The following PRUNE1 variants were observed in gnomAD, a reference collection of about 807,000 sequenced individuals.
PRUNE1 encodes the protein prune exopolyphosphatase 1.
PRUNE1 carries 25 observed loss-of-function variants against 42.5 expected under a neutral mutation model. The observed-to-expected ratio is 0.59, with a 90% CI of 0.43 to 0.82. PRUNE1 has a LOEUF of 0.82. Among genes scored for constraint, PRUNE1 ranks in the 40% least tolerant of loss-of-function variants. The pLI, the probability that PRUNE1 is intolerant of heterozygous loss-of-function variation, is 0.00. For synonymous variants in PRUNE1, 203 were observed against 217.1 expected, an observed-to-expected ratio of 0.93 and a Z score of 0.57; for missense variants, 443 against 539.3, an observed-to-expected ratio of 0.82 and a Z score of 1.77.
At chr1:151,023,237 C>T (rs1674586127) in intron 3 of PRUNE1, among the ~76,000 whole-genome samples, 1 of 152,060 alleles carries the variant, frequency 6.6e-6, no homozygotes, top group Non-Finnish European at 1.5e-5. Context: ...AAGGACAGCC[C>T]AGGAGGGCTC....
chr1:151,028,064 C>T (rs1674991969), intron 6 of PRUNE1, among the ~76,000 whole-genome samples: 1 of 152,094 alleles, frequency 6.6e-6, no homozygotes, highest in Non-Finnish European at 1.5e-5. Context: ...TTTTCTGTTC[C>T]TCAGAACCAT....
chr1:151,027,777 TGTGTGC>T (rs1269268991), intron 6 of PRUNE1, among the ~76,000 whole-genome samples: 27 of 148,928 alleles, frequency 1.8e-4, no homozygotes, highest in South Asian at 2.1e-4. Flanking sequence ...TGTGTGTGTG[TGTGTGC>T]GCGCGCGTGT....
intron 1 of PRUNE1, among the ~76,000 whole-genome samples, chr1:151,016,588 G>A (rs1228123695): frequency 6.6e-6 from 1 of 151,926 alleles, no homozygotes; most frequent in Non-Finnish European, 1.5e-5. Flanking sequence ...TGCAACCTCC[G>A]TCTGCCGGGT....
Position 151,034,396 on chromosome 1 carries a change from C to T in PRUNE1, c.*162C>T, listed in dbSNP as rs1675436164. On this transcript the variant is annotated 3_prime_UTR_variant, in exon 8 of 8. Transcript: ENST00000271620. ...GAAAAAAAGTGAAAGAAAGCAGCTG[C>T]TTTAAGAATGGTTTTCCACCTTTTC... 2.8e-6 allele frequency: 2 copies of T among 727,020 alleles called. No individual in the cohort carries two copies. The highest frequency in any genetic ancestry group is 2.7e-5 in the East Asian group (1 of 36,572). The allele number at this position is 727,020 out of a possible 1,614,324, so 45.0% of individuals were successfully genotyped here.
intron 1 of PRUNE1, among the ~76,000 whole-genome samples, chr1:151,015,582 C>T (rs1376331260): frequency 4.7e-5 from 7 of 147,464 alleles, no homozygotes; most frequent in South Asian, 4.3e-4. Flanking sequence ...TACAGTGAGC[C>T]GAGATCACAC....
chr1:151,027,689 C>T (rs1674943346), intron 6 of PRUNE1, among the ~76,000 whole-genome samples: 1 of 151,226 alleles, frequency 6.6e-6, no homozygotes, highest in East Asian at 1.9e-4. Context: ...TCAAGCAATC[C>T]TCCCACCTTA....
intron 6 of PRUNE1, 150 bp from the exon 7 acceptor site, chr1:151,028,636 C>T: frequency 2.8e-6 from 2 of 710,558 alleles, no homozygotes; most frequent in Non-Finnish European, 4.6e-6. Context: ...GTTGGCTAGG[C>T]TGGTCTCGAA....
intron 7 of PRUNE1, among the ~76,000 whole-genome samples, chr1:151,031,571 T>C (rs897921102): frequency 1.3e-5 from 2 of 152,180 alleles, no homozygotes; most frequent in African/African-American, 4.8e-5. Flanking sequence ...TTTAGAACAC[T>C]GGCTTTGGTG....
At chr1:151,032,625 A>T (rs587682727) in intron 7 of PRUNE1, among the ~76,000 whole-genome samples, 2 of 150,514 alleles carry the variant, frequency 1.3e-5, no homozygotes, top group Non-Finnish European at 3.0e-5. Flanking sequence ...GAGGCAGGAG[A>T]TTCACTTGAA....
intron 3 of PRUNE1, among the ~76,000 whole-genome samples, chr1:151,024,313 C>T (rs979338630): frequency 1.3e-5 from 2 of 151,652 alleles, no homozygotes; most frequent in African/African-American, 2.4e-5. Context: ...GCCAACATGG[C>T]GAAACCCCAT....
chr1:151,016,362 T>C (rs1674103259), intron 1 of PRUNE1, among the ~76,000 whole-genome samples: 1 of 152,158 alleles, frequency 6.6e-6, no homozygotes, highest in South Asian at 2.1e-4. Context: ...ACCTGCCTCA[T>C]TGGGTTAAAG....
At chr1:151,023,069 CAG>C (rs1201723060) in intron 3 of PRUNE1, among the ~76,000 whole-genome samples, 4 of 152,294 alleles carry the variant, frequency 2.6e-5, no homozygotes, top group South Asian at 4.1e-4. Flanking sequence ...AAAGATGAGA[CAG>C]AGGGGGCAGG....
Position 151,025,626 on chromosome 1 carries a change from G to T in PRUNE1, c.632G>T (p.Arg211Ile). The change falls in exon 5 of 8, where the codon AGA (arginine) becomes ATA (isoleucine). Residue 211 changes from arginine (R) to isoleucine (I), a missense_variant. Physicochemically the swap from Arg to Ile is moderately conservative, Grantham distance 97. Transcript: ENST00000271620. The stretch of plus-strand genomic sequence containing the variant: ...GCCCTTTTCCCAGACCTACCCAAGA[G>T]AAATGATATATTTGATTCCCTACAA... ...LEALFPDLPK[R>I]NDIFDSLQKA... 1 of 1,613,932 alleles carries T rather than the reference G, an allele frequency of 6.2e-7. No individual in the cohort carries two copies. The highest frequency in any genetic ancestry group is 8.5e-7 in the Non-Finnish European group (1 of 1,179,888).
At chr1:151,017,214 CT>C (rs1411129644) in intron 1 of PRUNE1, among the ~76,000 whole-genome samples, 2 of 152,064 alleles carry the variant, frequency 1.3e-5, no homozygotes, top group African/African-American at 4.8e-5. Context: ...CCCAAATTCC[CT>C]TTTTTGACTG....
chr1:151,030,745 C>T (rs1422646926), intron 7 of PRUNE1, among the ~76,000 whole-genome samples: 2 of 152,194 alleles, frequency 1.3e-5, no homozygotes, highest in South Asian at 2.1e-4. Context: ...CTTGGCCTTC[C>T]GAAGTGCTGG....
chr1:151,010,060 C>G (rs1673664169), intron 1 of PRUNE1, among the ~76,000 whole-genome samples: 1 of 152,098 alleles, frequency 6.6e-6, no homozygotes, highest in South Asian at 2.1e-4. Context: ...CCAGAGCCTC[C>G]CCCGACCCCC....
chr1:151,027,441 C>A, intron 6 of PRUNE1, 114 bp downstream of exon 6: 1 of 725,326 alleles, frequency 1.4e-6, no homozygotes, highest in Non-Finnish European at 2.4e-6. Flanking sequence ...TTGTGTCTAT[C>A]TTTGTCTCTA....
At chr1:151,021,316 G>C (rs1006036764) in intron 3 of PRUNE1, among the ~76,000 whole-genome samples, 1 of 151,834 alleles carries the variant, frequency 6.6e-6, no homozygotes, top group Non-Finnish European at 1.5e-5. Context: ...TTAGCCAGGC[G>C]TGGTGGCACA....
At chr1:151,024,087 C>T (rs1674660206) in intron 3 of PRUNE1, among the ~76,000 whole-genome samples, 1 of 150,246 alleles carries the variant, frequency 6.7e-6, no homozygotes, top group Non-Finnish European at 1.5e-5. Flanking sequence ...ACCCAGGAGG[C>T]TGAGGCAGGA....
Sources: gnomAD v4.1 joint callset for allele counts (sites outside exome capture counted in the v4.1 genomes callset) on GRCh38, gnomAD v4.1.1 for gene constraint, MANE v1.5 for transcripts, NCBI Gene and HGNC (gene_info 2026-07-23, HGNC 2026-07-21) for gene names.